Variants in PLA2G4A observed in about 807,000 individuals in gnomAD.
PLA2G4A encodes the protein cytosolic phospholipase A2.
A neutral mutation model predicts 81.9 loss-of-function variants in PLA2G4A; 40 were observed. That is an observed-to-expected ratio of 0.49 (90% CI 0.38 to 0.64). The LOEUF is 0.64. Ranked by LOEUF, PLA2G4A falls within the 30% of genes least tolerant of loss-of-function variation. PLA2G4A has a pLI of 0.00. For missense variants in PLA2G4A, 715 were observed against 905.1 expected (o/e 0.79, Z 2.69); for synonymous variants, 302 against 296.9 (o/e 1.02, Z -0.18).
At position 186,868,859 on chromosome 1, in the gene PLA2G4A, G is replaced by A. The variant is rs111894251; in HGVS notation, c.34-1576G>A. On this transcript the variant is annotated intron_variant, in intron 2 of 17. Transcript: ENST00000367466. ...CTTCTGTTATCCTTTCAATGTCCAC[G>A]CGATCTGTAATAATGTCCCTTATCA... 2.6e-3 allele frequency among the ~76,000 whole-genome samples: 393 copies of A among 151,124 alleles called. 6 individuals carry two copies. The highest frequency in any genetic ancestry group is 8.7e-3 in the African/African-American group (358 of 41,262).
chr1:186,944,065 C>T (rs1015188668), intron 10 of PLA2G4A, among the ~76,000 whole-genome samples: 2 of 151,976 alleles, frequency 1.3e-5, no homozygotes, highest in African/African-American at 2.4e-5. Flanking sequence ...TAAAGGTTAT[C>T]GGTGTGATGC....
intron 1 of PLA2G4A, among the ~76,000 whole-genome samples, chr1:186,839,931 G>A (rs1416076440): frequency 7.0e-6 from 1 of 142,242 alleles, no homozygotes; most frequent in Non-Finnish European, 1.5e-5. Flanking sequence ...TCTGCAGACT[G>A]TCATGGCTAC....
At chr1:186,925,792 A>G (rs1419444337) in intron 7 of PLA2G4A, among the ~76,000 whole-genome samples, 1 of 152,338 alleles carries the variant, frequency 6.6e-6, no homozygotes, top group Non-Finnish European at 1.5e-5. Flanking sequence ...ACTTAAAAAA[A>G]TTCTTGTAAA....
chr1:186,966,596 T>C (rs1048435444), intron 15 of PLA2G4A, among the ~76,000 whole-genome samples: 4 of 152,082 alleles, frequency 2.6e-5, no homozygotes, highest in African/African-American at 9.7e-5. Flanking sequence ...AGTCCGCCTG[T>C]GTTGAAGAAA....
chr1:186,885,102 A>C (rs569522919), intron 3 of PLA2G4A, among the ~76,000 whole-genome samples: 1 of 152,228 alleles, frequency 6.6e-6, no homozygotes, highest in African/African-American at 2.4e-5. Flanking sequence ...AAATAAGTTG[A>C]TTTTGAGAAG....
intron 1 of PLA2G4A, among the ~76,000 whole-genome samples, chr1:186,837,013 C>A (rs2101999906): frequency 6.6e-6 from 1 of 152,134 alleles, no homozygotes; most frequent in African/African-American, 2.4e-5. Flanking sequence ...GAGTTCCAGG[C>A]AGAGAGTGGC....
At chr1:186,849,458 G>A (rs1257634780) in intron 1 of PLA2G4A, among the ~76,000 whole-genome samples, 1 of 152,052 alleles carries the variant, frequency 6.6e-6, no homozygotes, top group Non-Finnish European at 1.5e-5. Context: ...CTGAATCCTG[G>A]AGAATGGGTC....
intron 7 of PLA2G4A, among the ~76,000 whole-genome samples, chr1:186,932,509 C>G (rs1186555893): frequency 6.6e-6 from 1 of 151,968 alleles, no homozygotes; most frequent in Non-Finnish European, 1.5e-5. Flanking sequence ...CCATGTTGGT[C>G]AGGCTGGTCT....
intron 3 of PLA2G4A, among the ~76,000 whole-genome samples, chr1:186,890,578 G>A (rs1654098909): frequency 1.3e-5 from 2 of 152,124 alleles, no homozygotes; most frequent in Admixed American, 6.6e-5. Context: ...GTTACTGGCC[G>A]GGCATGGTGG....
chr1:186,951,887 C>T (rs1656574405), intron 13 of PLA2G4A, among the ~76,000 whole-genome samples: 1 of 152,092 alleles, frequency 6.6e-6, no homozygotes, highest in Non-Finnish European at 1.5e-5. Context: ...GGGTTCAGCC[C>T]TGATTTGCCC....
intron 2 of PLA2G4A, among the ~76,000 whole-genome samples, chr1:186,857,999 T>C (rs545594319): frequency 3.9e-5 from 6 of 152,168 alleles, no homozygotes; most frequent in Admixed American, 1.3e-4. Context: ...ATCCAGTCTA[T>C]CATTCATTGG....
chr1:186,956,103 C>A lies in PLA2G4A; in HGVS notation c.1338C>A (p.Gly446=). ...DSDDESHEPK[G]TENEDAGSDY... ...TGGTGACCTTTTATTTTTCCCTAGGCACTGAAAATGAAGATGCTGGAAGTG... is the reference window on the plus strand; with the variant it reads ...TGGTGACCTTTTATTTTTCCCTAGGAACTGAAAATGAAGATGCTGGAAGTG... The change falls in exon 14 of 18, where the codon GGC becomes GGA. Residue 446 remains glycine (G), a splice_region_variant and synonymous_variant. Coordinates refer to ENST00000367466, the MANE Select transcript of PLA2G4A (RefSeq NM_024420.3). The A allele has an allele frequency of 6.2e-7, 1 of 1,612,570 alleles. No individual in the cohort carries two copies. The highest frequency in any genetic ancestry group is 8.5e-7 in the Non-Finnish European group (1 of 1,178,760).
intron 12 of PLA2G4A, among the ~76,000 whole-genome samples, chr1:186,950,267 G>A (rs1262187832): frequency 6.6e-6 from 1 of 152,138 alleles, no homozygotes; most frequent in Non-Finnish European, 1.5e-5. Context: ...TAGCTCACCT[G>A]TAGATTTTGG....
intron 3 of PLA2G4A, among the ~76,000 whole-genome samples, chr1:186,877,094 A>G (rs1415663152): frequency 1.3e-5 from 2 of 152,092 alleles, no homozygotes; most frequent in Non-Finnish European, 2.9e-5. Flanking sequence ...CTTTAGCAAT[A>G]AGAGCATGTA....
chr1:186,937,028 GT>G lies in PLA2G4A; in HGVS notation c.696-1967del, dbSNP rs57455739. On this transcript the variant is annotated intron_variant, in intron 8 of 17. Transcript: ENST00000367466. ...TTAAAAACTGGGGTGATACTTTTAT[GT>G]TTTTTTTTTTTTATTTTTTGAGATA... 8.7e-3 allele frequency among the ~76,000 whole-genome samples: 1,262 copies of G among 145,414 alleles called. 5 individuals are homozygous for G. Among genetic ancestry groups the G allele is most frequent in the Admixed American group, 0.015 (223 of 14,460 alleles).
intron 7 of PLA2G4A, among the ~76,000 whole-genome samples, chr1:186,929,313 G>A (rs1655657219): frequency 6.6e-6 from 1 of 152,226 alleles, no homozygotes; most frequent in South Asian, 2.1e-4. Context: ...CCTTTTGAGA[G>A]TTGGGAAGAT....
At chr1:186,893,757 C>G (rs536680381) in intron 4 of PLA2G4A, among the ~76,000 whole-genome samples, 2 of 151,810 alleles carry the variant, frequency 1.3e-5, no homozygotes, top group Non-Finnish European at 2.9e-5. Context: ...GACCCTGTCT[C>G]TATTAAAAAT....
intron 2 of PLA2G4A, among the ~76,000 whole-genome samples, chr1:186,869,006 T>C (rs1653142515): frequency 6.6e-6 from 1 of 152,028 alleles, no homozygotes; most frequent in Admixed American, 6.5e-5. Flanking sequence ...TGCATTGATT[T>C]TTTCTATTTC....
At chr1:186,917,588 G>A (rs1457169509) in intron 7 of PLA2G4A, among the ~76,000 whole-genome samples, 2 of 151,986 alleles carry the variant, frequency 1.3e-5, no homozygotes, top group Non-Finnish European at 2.9e-5. Flanking sequence ...GCTGTCTTCC[G>A]TACCAAGTGA....
Sources: allele counts gnomAD v4.1 joint callset (sites outside exome capture counted in the v4.1 genomes callset), GRCh38; gene constraint gnomAD v4.1.1; transcripts MANE v1.5; gene names NCBI Gene and HGNC (gene_info 2026-07-23, HGNC 2026-07-21).